Variants in NOS3 observed in about 807,000 individuals in gnomAD.
The protein encoded by NOS3 is NOS type III.
Under a neutral mutation model 144.9 loss-of-function variants are expected in NOS3, and 98 were observed. The observed-to-expected ratio is 0.68, with a 90% CI of 0.57 to 0.80. The LOEUF is 0.80. Among genes scored for constraint, NOS3 ranks in the 30% least tolerant of loss-of-function variants. The pLI, the probability that NOS3 is intolerant of heterozygous loss-of-function variation, is 0.00. For synonymous variants in NOS3, 714 were observed against 702.4 expected, an observed-to-expected ratio of 1.02 and a Z score of -0.26; for missense variants, 1,465 against 1,656.4, an observed-to-expected ratio of 0.88 and a Z score of 2.01.
Position 150,995,208 on chromosome 7 carries a change from C to T in NOS3, c.164C>T (p.Pro55Leu), listed in dbSNP as rs374957936. 1.8e-5 allele frequency: 28 copies of T among 1,598,766 alleles called. No individual in the cohort carries two copies. Among genetic ancestry groups the T allele is most frequent in the Admixed American group, 8.4e-5 (5 of 59,782 alleles). ...LLPPAPEHSPPSSPLTQPPEG... is the reference protein window; with the variant it reads ...LLPPAPEHSPLSSPLTQPPEG... ...CTATCCCTGGCTCCCAACAGCCCCC[C>T]GAGCTCCCCGCTAACCCAGCCCCCA... Residue 55 changes from proline (P) to leucine (L), a missense_variant, in exon 3 of 27, where the codon CCG (proline) becomes CTG (leucine). Around this residue, in one of 5 missense-constraint regions of NOS3, gnomAD observed 374 missense variants for 377.0 expected, o/e 0.99. Transcript: ENST00000297494.
In NOS3 at chr7:150,998,274, C is replaced by T; in HGVS notation, c.583-83C>T. 7.9e-7 allele frequency: 1 copy of T among 1,271,958 alleles called. No homozygotes were observed. The highest frequency in any genetic ancestry group is 1.5e-5 in the African/African-American group (1 of 68,500). The allele number at this position is 1,271,958 out of a possible 1,614,324, so 78.8% of individuals were successfully genotyped here. On this transcript the variant is annotated intron_variant, in intron 5 of 26. Transcript: ENST00000297494. This position sits in a 1 kb window ranked among gnomAD's most constrained non-coding sequence, Gnocchi z 5.0. Reference sequence around the variant, plus strand: ...GAGTGAACCATGGCCCCTGCCTCCTCACCAGCAGCTCCTCTGGAGCTGATA... The same window carrying T: ...GAGTGAACCATGGCCCCTGCCTCCTTACCAGCAGCTCCTCTGGAGCTGATA...
chr7:151,007,439 G>C (rs1795223205), intron 17 of NOS3, among the ~76,000 whole-genome samples, 163 bp downstream of exon 17: 1 of 152,242 alleles, frequency 6.6e-6, no homozygotes, highest in Non-Finnish European at 1.5e-5. Flanking sequence ...CAGGGGCAGA[G>C]GATGACATGG....
In NOS3 at chr7:150,996,847, C is replaced by A; in HGVS notation, c.504C>A (p.Ser168Arg). 6.2e-7 allele frequency: 1 copy of A among 1,606,212 alleles called. No individual in the cohort carries two copies. The highest frequency in any genetic ancestry group is 8.5e-7 in the Non-Finnish European group (1 of 1,177,230). Residue 168 changes from serine to arginine, a missense_variant, in exon 5 of 27, where the codon AGC (serine) becomes AGA (arginine). Transcript: ENST00000297494. ...AATGTYQLRE[S>R]ELVFGAKQAW... is the part of the protein sequence containing the mutation. ...CAGGCACCTACCAGCTTAGGGAGAG[C>A]GAGCTGGTGTTCGGGGCTAAGCAGG... is the stretch of plus-strand genomic sequence containing the variant.
chr7:151,000,670 G>A lies in NOS3; in HGVS notation c.1233+71G>A. On this transcript the variant is annotated intron_variant, in intron 10 of 26. Coordinates refer to ENST00000297494, the MANE Select transcript of NOS3 (RefSeq NM_000603.5). The stretch of plus-strand genomic sequence containing the variant: ...GGGGCAGCAGGGGCGGGGGATGGAG[G>A]AGAGGCAGCCATTTAGAAACTAGGG... 3 of 998,860 alleles carry A rather than the reference G, an allele frequency of 3.0e-6. No homozygotes were observed. In the South Asian group the frequency reaches 4.0e-5, roughly 13 times the overall value. The allele number at this position is 998,860 out of a possible 1,614,324, so 61.9% of individuals were successfully genotyped here. A position where few individuals can be genotyped will look rare whatever the true frequency, so the allele number is the denominator to read the frequency against.
At position 151,014,201 on chromosome 7, in the gene NOS3, A is replaced by T. The variant is rs1368835761; in HGVS notation, c.*32A>T. ...CCTGGCTTTCCCTTCCAGTTCCGGG[A>T]GAGCGGCTGCCCGACTCAGGTCCGC... On this transcript the variant is annotated 3_prime_UTR_variant, in exon 27 of 27. Coordinates refer to ENST00000297494, the MANE Select transcript of NOS3 (RefSeq NM_000603.5). The T allele has an allele frequency of 1.9e-6, 3 of 1,574,412 alleles. No individual in the cohort carries two copies. The African/African-American group carries it at 4.0e-5, about 21-fold the overall frequency.
Position 151,010,609 on chromosome 7 carries a change from T to C in NOS3, c.2698T>C (p.Tyr900His). 1 of 1,594,718 alleles carries C rather than the reference T, an allele frequency of 6.3e-7. No homozygotes were observed. The highest frequency in any genetic ancestry group is 8.5e-7 in the Non-Finnish European group (1 of 1,170,204). Residue 900 changes from tyrosine to histidine, a missense_variant, in exon 22 of 27, where the codon TAC (tyrosine) becomes CAC (histidine). By Grantham distance (83) the Tyr-to-His change is moderately conservative (BLOSUM62 2). This residue lies in a region of NOS3 where 745 missense variants were observed against 853.9 expected (regional missense o/e 0.87). Transcript: ENST00000297494. The stretch of plus-strand genomic sequence containing the variant: ...CCTGCCCCGCCAGGATCCCCGACGC[T>C]ACGAGGAGTGGAAGTGGTTCCGCTG... ...LEALSQDPRR[Y>H]EEWKWFRCPT... is the part of the protein sequence containing the mutation.
rs1584896069 is a variant in NOS3 at position 150,995,222 on chromosome 7, A to C, written c.178A>C (p.Thr60Pro). Residue 60 changes from threonine (T) to proline (P), a missense_variant, in exon 3 of 27, where the codon ACC becomes CCC. By Grantham distance (38) the Thr-to-Pro change is conservative. Coordinates refer to ENST00000297494, the MANE Select transcript of NOS3 (RefSeq NM_000603.5). ...PEHSPPSSPL[T>P]QPPEGPKFPR... is the part of the protein sequence containing the mutation. ...CAACAGCCCCCCGAGCTCCCCGCTAACCCAGCCCCCAGAGGGGCCCAAGTT... is the reference window on the plus strand; with the variant it reads ...CAACAGCCCCCCGAGCTCCCCGCTACCCCAGCCCCCAGAGGGGCCCAAGTT... 1 of 1,609,422 alleles carries C rather than the reference A, an allele frequency of 6.2e-7. No individual in the cohort carries two copies. Among genetic ancestry groups the C allele is most frequent in the Non-Finnish European group, 8.5e-7 (1 of 1,177,440 alleles).
intron 24 of NOS3, 93 bp from the exon 25 acceptor site, chr7:151,013,138 G>A: frequency 2.1e-6 from 3 of 1,403,394 alleles, no homozygotes; most frequent in South Asian, 2.6e-5. Context: ...CCAAAACGCT[G>A]GGCTGCCAGG....
At chr7:150,995,148 GA>G (rs1255628874) in intron 2 of NOS3, 54 bp from the exon 3 acceptor site, 9 of 1,038,858 alleles carry the variant, frequency 8.7e-6, no homozygotes, top group African/African-American at 1.6e-5. Context: ...TGACATCTGG[GA>G]AGGCTGAAAG....
chr7:151,006,783 C>G (rs1017955696), intron 15 of NOS3, 106 bp from the exon 16 acceptor site: 1 of 932,448 alleles, frequency 1.1e-6, no homozygotes, highest in Admixed American at 1.9e-5. Context: ...CAGGGCCTTT[C>G]CTGTCCCAGA....
chr7:151,000,845 G>C (rs1232772376), intron 10 of NOS3, among the ~76,000 whole-genome samples: 1 of 152,144 alleles, frequency 6.6e-6, no homozygotes, highest in Non-Finnish European at 1.5e-5. Context: ...TGCATGCCCA[G>C]TCATGCTGAT....
chr7:150,993,834 C>A lies in NOS3; in HGVS notation c.31C>A (p.Pro11Thr), dbSNP rs141170595. The change falls in exon 2 of 27, where the codon CCT becomes ACT. Residue 11 changes from proline to threonine, a missense_variant. This residue lies in a region of NOS3 where 374 missense variants were observed against 377.0 expected (regional missense o/e 0.99). Coordinates refer to ENST00000297494, the MANE Select transcript of NOS3 (RefSeq NM_000603.5). This position sits in a 1 kb window ranked among gnomAD's most constrained non-coding sequence, Gnocchi z 4.0. MGNLKSVAQE[P>T]GPPCGLGLGL... ...CAACTTGAAGAGCGTGGCCCAGGAGCCTGGGCCACCCTGCGGCCTGGGGCT... is the reference window on the plus strand; with the variant it reads ...CAACTTGAAGAGCGTGGCCCAGGAGACTGGGCCACCCTGCGGCCTGGGGCT... The A allele has an allele frequency of 8.0e-4, 1,273 of 1,600,128 alleles. 2 individuals carry two copies. The highest frequency in any genetic ancestry group is 1.0e-3 in the Non-Finnish European group (1,180 of 1,176,362).
At chr7:150,992,193 G>A (rs1802269111) in intron 1 of NOS3, among the ~76,000 whole-genome samples, 1 of 151,262 alleles carries the variant, frequency 6.6e-6, no homozygotes, top group African/African-American at 2.4e-5. Flanking sequence ...GATGCTGCCT[G>A]TCACCTTGAC....
intron 10 of NOS3, 138 bp from the exon 11 acceptor site, chr7:151,001,093 G>A: frequency 1.3e-6 from 1 of 796,340 alleles, no homozygotes; most frequent in Non-Finnish European, 2.1e-6. Flanking sequence ...GTGACATTGT[G>A]GTTTGAGGGG....
intron 23 of NOS3, 84 bp downstream of exon 23, chr7:151,011,070 C>T (rs1351721751): frequency 2.2e-6 from 2 of 895,280 alleles, no homozygotes; most frequent in Non-Finnish European, 3.6e-6. Context: ...TGAGGGGTGT[C>T]ACTGGAAACA....
chr7:151,011,819 C>T lies in NOS3; in HGVS notation c.2985-532C>T, dbSNP rs1469565287. The T allele has an allele frequency of 2.7e-5, 12 of 443,186 alleles. 1 individual carries two copies. The highest frequency in any genetic ancestry group is 1.0e-4 in the African/African-American group (5 of 49,158). The allele number at this position is 443,186 out of a possible 1,614,324, so 27.5% of individuals were successfully genotyped here. A position where few individuals can be genotyped will look rare whatever the true frequency, so the allele number is the denominator to read the frequency against. ...GATTACAGGTGTGAGCCACCGCGCC[C>T]GGACCGAGGGTGAAGGATTTTAAGA... is the stretch of plus-strand genomic sequence containing the variant. On this transcript the variant is annotated intron_variant, in intron 23 of 26. Transcript: ENST00000297494.
chr7:150,994,692 G>A (rs189488945), intron 2 of NOS3, among the ~76,000 whole-genome samples: 1 of 152,184 alleles, frequency 6.6e-6, no homozygotes, highest in Non-Finnish European at 1.5e-5. Context: ...CTGCTCAGGC[G>A]CACCCTTGGC....
intron 23 of NOS3, among the ~76,000 whole-genome samples, chr7:151,011,418 T>G (rs1238011515): frequency 6.6e-6 from 1 of 151,360 alleles, no homozygotes; most frequent in African/African-American, 2.4e-5. Context: ...GTTTTGGTTT[T>G]TTTTTCCCCC....
At chr7:150,994,072 A>T (rs1167757522) in intron 2 of NOS3, 111 bp downstream of exon 2, 2 of 1,196,736 alleles carry the variant, frequency 1.7e-6, no homozygotes, top group Non-Finnish European at 2.3e-6. Flanking sequence ...GCCAGGTCAC[A>T]AATGCAAAAG....
Sources: gnomAD v4.1 joint callset for allele counts (sites outside exome capture counted in the v4.1 genomes callset) on GRCh38, gnomAD v4.1.1 for gene constraint, gnomAD v4.1.1 regional missense constraint, Gnocchi (gnomAD v3.1) non-coding constraint, MANE v1.5 for transcripts, NCBI Gene and HGNC (gene_info 2026-07-23, HGNC 2026-07-21) for gene names.